GRM1: variants seen among roughly 807,000 people sequenced by gnomAD.
GRM1 encodes metabotropic glutamate receptor 1.
GRM1 carries 33 observed loss-of-function variants against 90.9 expected under a neutral mutation model. The ratio of observed to expected loss-of-function variants is 0.36; its 90% CI spans 0.28 to 0.49. The LOEUF (loss-of-function observed/expected upper bound fraction) is 0.49. Ranked by LOEUF, GRM1 falls within the 20% of genes least tolerant of loss-of-function variation. GRM1 has a pLI of 0.99. For missense variants in GRM1, 1,190 were observed against 1,534.3 expected, an observed-to-expected ratio of 0.78 and a Z score of 3.75; for synonymous variants, 700 against 613.2, an observed-to-expected ratio of 1.14 and a Z score of -2.09.
chr6:146,191,263 C>T (rs1042742154), intron 2 of GRM1, among the ~76,000 whole-genome samples: 3 of 152,124 alleles, frequency 2.0e-5, no homozygotes, highest in East Asian at 3.9e-4. Flanking sequence ...GTCTGTGGAC[C>T]GGGGTGATCC....
In GRM1 at chr6:146,432,023, A is replaced by G. The variant is rs1235989126; in HGVS notation, c.2661-1849A>G. On this transcript the variant is annotated intron_variant, in intron 7 of 7. Transcript: ENST00000282753. Reference sequence around the variant, plus strand: ...CCTGTTCTTGCCAGGGACACCACTGACCTGTTCTTTAGTTTGTTTACCTCA... The same window carrying G: ...CCTGTTCTTGCCAGGGACACCACTGGCCTGTTCTTTAGTTTGTTTACCTCA... 3.3e-5 allele frequency among the ~76,000 whole-genome samples: 5 copies of G among 152,298 alleles called. No homozygotes were observed. In the East Asian group the frequency reaches 7.7e-4, roughly 24 times the overall value.
intron 7 of GRM1, among the ~76,000 whole-genome samples, chr6:146,417,201 C>A (rs1411447904): frequency 6.6e-6 from 1 of 152,226 alleles, no homozygotes; most frequent in East Asian, 1.9e-4. Context: ...GCTTACCTCT[C>A]TGAAGTCCTG....
chr6:146,270,889 CTTTCTTTCTTT>C (rs1562571153), intron 2 of GRM1, among the ~76,000 whole-genome samples: 1 of 107,396 alleles, frequency 9.3e-6, no homozygotes, highest in African/African-American at 4.6e-5. Context: ...TTCTTTCTTT[CTTTCTTTCTTT>C]CTTTCTTTCT....
At chr6:146,387,161 A>G (rs1776539307) in intron 6 of GRM1, 145 bp downstream of exon 6, 3 of 801,156 alleles carry the variant, frequency 3.7e-6, no homozygotes, top group Non-Finnish European at 4.4e-6. Context: ...AGGAGTATAC[A>G]TAAACCTCAT....
intron 2 of GRM1, among the ~76,000 whole-genome samples, chr6:146,184,669 A>C (rs887888880): frequency 6.6e-6 from 1 of 152,176 alleles, no homozygotes; most frequent in East Asian, 1.9e-4. Context: ...GCAATAAAAA[A>C]CAATCTTAAC....
At chr6:146,276,265 T>G (rs905857899) in intron 2 of GRM1, among the ~76,000 whole-genome samples, 2 of 152,180 alleles carry the variant, frequency 1.3e-5, no homozygotes, top group Non-Finnish European at 2.9e-5. Context: ...CATTCATCAC[T>G]ATGTGATTTT....
At chr6:146,042,488 G>A (rs1423680513) in intron 1 of GRM1, among the ~76,000 whole-genome samples, 1 of 152,008 alleles carries the variant, frequency 6.6e-6, no homozygotes, top group East Asian at 1.9e-4. Context: ...TTGCTGAGGA[G>A]CCACGACAAA....
intron 1 of GRM1, among the ~76,000 whole-genome samples, chr6:146,139,291 C>G (rs1228857446): frequency 6.6e-6 from 1 of 152,102 alleles, no homozygotes; most frequent in Non-Finnish European, 1.5e-5. Context: ...ATTCTGGAGC[C>G]ATTGGATAAA....
At chr6:146,409,574 T>C (rs1274937356) in intron 7 of GRM1, among the ~76,000 whole-genome samples, 1 of 152,164 alleles carries the variant, frequency 6.6e-6, no homozygotes, top group African/African-American at 2.4e-5. Flanking sequence ...TTTTGTTTTG[T>C]TTTGCTTTGC....
At chr6:146,222,911 T>A (rs1390198374) in intron 2 of GRM1, among the ~76,000 whole-genome samples, 1 of 151,592 alleles carries the variant, frequency 6.6e-6, no homozygotes, top group African/African-American at 2.4e-5. Flanking sequence ...TCATTGGGGG[T>A]GTTGAAGGCA....
At chr6:146,398,642 A>G in intron 6 of GRM1, 127 bp from the exon 7 acceptor site, 1 of 780,630 alleles carries the variant, frequency 1.3e-6, no homozygotes, top group Non-Finnish European at 2.3e-6. Context: ...GTGCATTTTT[A>G]AAAAAGCATT....
chr6:146,324,242 C>T (rs1562609522), intron 3 of GRM1, among the ~76,000 whole-genome samples: 1 of 152,062 alleles, frequency 6.6e-6, no homozygotes, highest in Admixed American at 6.5e-5. Flanking sequence ...CACCCCTCCA[C>T]CCACCAAGGT....
In GRM1 at chr6:146,045,186, G is replaced by T. The variant is rs75531143; in HGVS notation, c.700+14969G>T. Among the ~76,000 whole-genome samples, 1,086 of 151,888 alleles carry T rather than the reference G, an allele frequency of 7.2e-3. 22 individuals carry two copies. Among genetic ancestry groups the T allele is most frequent in the East Asian group, 0.071 (366 of 5,136 alleles). Reference sequence around the variant, plus strand: ...TTTGATTCTCACATAGGCAGAAAATGGATTTTAAAATGTGCAAATTTAAAA... The same window carrying T: ...TTTGATTCTCACATAGGCAGAAAATTGATTTTAAAATGTGCAAATTTAAAA... On this transcript the variant is annotated intron_variant, in intron 1 of 7. Coordinates refer to ENST00000282753, the MANE Select transcript of GRM1 (RefSeq NM_001278064.2).
intron 5 of GRM1, among the ~76,000 whole-genome samples, chr6:146,377,693 A>G (rs1776156844): frequency 6.6e-6 from 1 of 152,180 alleles, no homozygotes; most frequent in South Asian, 2.1e-4. Context: ...CACCAAGACT[A>G]TGGGGAAAAT....
rs1782918375 is a variant in GRM1 at position 146,290,047 on chromosome 6, C to G, written c.951-14564C>G. ...TGGATTTGGGAAATGCTCAGCCTGT[C>G]CAGATTACAAATATGCTAAAATTAG... On this transcript the variant is annotated intron_variant, in intron 2 of 7. Coordinates refer to ENST00000282753, the MANE Select transcript of GRM1 (RefSeq NM_001278064.2). 2.0e-5 allele frequency among the ~76,000 whole-genome samples: 3 copies of G among 152,086 alleles called. No individual in the cohort carries two copies. The South Asian group carries it at 6.2e-4, about 32-fold the overall frequency.
At chr6:146,373,171 A>G (rs1243744642) in intron 5 of GRM1, among the ~76,000 whole-genome samples, 1 of 152,046 alleles carries the variant, frequency 6.6e-6, no homozygotes, top group East Asian at 1.9e-4. Context: ...CATTATAGAG[A>G]TCTTCCACCT....
intron 2 of GRM1, among the ~76,000 whole-genome samples, chr6:146,195,755 A>G (rs1262786190): frequency 6.6e-6 from 1 of 152,254 alleles, no homozygotes; most frequent in Non-Finnish European, 1.5e-5. Flanking sequence ...AGCAAGATAA[A>G]GAAAGGCGAT....
At chr6:146,321,977 G>A (rs555598577) in intron 3 of GRM1, among the ~76,000 whole-genome samples, 1 of 152,220 alleles carries the variant, frequency 6.6e-6, no homozygotes, top group East Asian at 1.9e-4. Context: ...GAGAGGAGCT[G>A]TGATCGTTTG....
intron 2 of GRM1, among the ~76,000 whole-genome samples, chr6:146,247,798 GTGTGTGTA>G (rs543610466): frequency 0.045 from 6,419 of 143,646 alleles, 171 homozygotes; most frequent in African/African-American, 0.067. Flanking sequence ...GTGTGTGTGT[GTGTGTGTA>G]TATATATATA....
Sources: gnomAD v4.1 joint callset for allele counts (sites outside exome capture counted in the v4.1 genomes callset) on GRCh38, gnomAD v4.1.1 for gene constraint, MANE v1.5 for transcripts, NCBI Gene and HGNC (gene_info 2026-07-23, HGNC 2026-07-21) for gene names.